The following AGBL1 variants were observed in gnomAD, a reference collection of about 807,000 sequenced individuals.
The protein encoded by AGBL1 is AGBL carboxypeptidase 1, also known as cytosolic carboxypeptidase 4.
In AGBL1, 130 loss-of-function variants were observed where a neutral mutation model predicts 118.9. The observed-to-expected ratio is 1.09, with a 90% CI of 0.95 to 1.26. The LOEUF (loss-of-function observed/expected upper bound fraction) is 1.26. Ranked by LOEUF, AGBL1 falls within the 50% of genes most tolerant of loss-of-function variation. AGBL1 has a pLI of 0.00. For synonymous variants in AGBL1, 555 were observed against 478.9 expected, an observed-to-expected ratio of 1.16 and a Z score of -2.08; for missense variants, 1,584 against 1,298.1, an observed-to-expected ratio of 1.22 and a Z score of -3.38.
chr15:86,703,228 G>C (rs1306153804), intron 22 of AGBL1, among the ~76,000 whole-genome samples: 1 of 152,110 alleles, frequency 6.6e-6, no homozygotes, highest in Non-Finnish European at 1.5e-5. Flanking sequence ...TTTTTTAAAT[G>C]CCTAGACGAA....
At chr15:86,090,632 C>A (rs118173370) in intron 1 of AGBL1, among the ~76,000 whole-genome samples, 1 of 152,210 alleles carries the variant, frequency 6.6e-6, no homozygotes, top group East Asian at 1.9e-4. Flanking sequence ...AATAGAAGTA[C>A]GTTTTCTTCT....
intron 21 of AGBL1, among the ~76,000 whole-genome samples, chr15:86,620,674 C>T (rs2084790476): frequency 6.6e-6 from 1 of 152,186 alleles, no homozygotes. Flanking sequence ...TGCCCTGCTG[C>T]ATTTCTACTT....
chr15:86,168,318 A>G (rs984501712), intron 5 of AGBL1, among the ~76,000 whole-genome samples: 1 of 152,210 alleles, frequency 6.6e-6, no homozygotes, highest in Non-Finnish European at 1.5e-5. Context: ...GAAATAGGGA[A>G]GGAATTTCTG....
chr15:86,995,896 G>A (rs556432446), intron 24 of AGBL1, among the ~76,000 whole-genome samples: 2 of 152,126 alleles, frequency 1.3e-5, no homozygotes, highest in African/African-American at 2.4e-5. Flanking sequence ...TCCAGCCTCC[G>A]GGTTCTAATT....
At chr15:86,744,638 G>A (rs76453784) in intron 22 of AGBL1, among the ~76,000 whole-genome samples, 54 of 152,042 alleles carry the variant, frequency 3.6e-4, no homozygotes, top group African/African-American at 1.1e-3. Context: ...ACCCCCAGAG[G>A]GGGGGAGGAG....
At chr15:86,366,514 T>C (rs556879394) in intron 17 of AGBL1, among the ~76,000 whole-genome samples, 1 of 152,294 alleles carries the variant, frequency 6.6e-6, no homozygotes, top group Non-Finnish European at 1.5e-5. Flanking sequence ...AGGATTCCAA[T>C]GCAGCCAGGA....
intron 18 of AGBL1, among the ~76,000 whole-genome samples, chr15:86,494,930 C>T (rs758665018): frequency 7.0e-6 from 1 of 143,454 alleles, no homozygotes; most frequent in South Asian, 2.3e-4. Context: ...AACATTTTTA[C>T]GTATTTGCTT....
At chr15:86,983,669 G>T (rs1229012305) in intron 23 of AGBL1, among the ~76,000 whole-genome samples, 5 of 152,242 alleles carry the variant, frequency 3.3e-5, no homozygotes, top group Admixed American at 6.5e-5. Context: ...CCTCCAAAAG[G>T]TTCCCATGCG....
intron 18 of AGBL1, among the ~76,000 whole-genome samples, chr15:86,471,712 CT>C (rs1348022069): frequency 1.3e-5 from 2 of 151,936 alleles, no homozygotes; most frequent in African/African-American, 4.8e-5. Context: ...TCCAGTGCTT[CT>C]ATATTCAAAG....
At chr15:86,979,867 A>G (rs1280999884) in intron 23 of AGBL1, among the ~76,000 whole-genome samples, 1 of 152,134 alleles carries the variant, frequency 6.6e-6, no homozygotes, top group African/African-American at 2.4e-5. Context: ...GCCCCATCTC[A>G]TACACATCTC....
intron 22 of AGBL1, among the ~76,000 whole-genome samples, chr15:86,692,363 G>T (rs1255271662): frequency 6.6e-6 from 1 of 151,982 alleles, no homozygotes; most frequent in Non-Finnish European, 1.5e-5. Context: ...AAAAGGTGAA[G>T]CACCTTGGGA....
At chr15:86,657,797 A>G (rs1337046517) in intron 21 of AGBL1, among the ~76,000 whole-genome samples, 1 of 151,640 alleles carries the variant, frequency 6.6e-6, no homozygotes, top group Non-Finnish European at 1.5e-5. Flanking sequence ...AAAATGGGCT[A>G]CTGGCCTGGG....
chr15:86,664,059 T>G (rs1386832153), intron 21 of AGBL1, among the ~76,000 whole-genome samples: 1 of 152,176 alleles, frequency 6.6e-6, no homozygotes, highest in Non-Finnish European at 1.5e-5. Flanking sequence ...ATGAAGGACA[T>G]GTTTGAAGTC....
chr15:86,778,563 T>G (rs140793559), intron 22 of AGBL1, among the ~76,000 whole-genome samples: 1 of 152,160 alleles, frequency 6.6e-6, no homozygotes, highest in Non-Finnish European at 1.5e-5. Flanking sequence ...TCAGCGATAT[T>G]TCTCCCATTT....
At chr15:86,727,078 AAAAG>A (rs539605413) in intron 22 of AGBL1, among the ~76,000 whole-genome samples, 2 of 152,204 alleles carry the variant, frequency 1.3e-5, no homozygotes, top group Non-Finnish European at 1.5e-5. Flanking sequence ...AAGGAAATGG[AAAAG>A]AAAGTGTCAG....
intron 1 of AGBL1, among the ~76,000 whole-genome samples, chr15:86,122,085 C>T (rs1279535472): frequency 6.6e-6 from 1 of 152,172 alleles, no homozygotes; most frequent in Non-Finnish European, 1.5e-5. Flanking sequence ...GCTCTCCCTC[C>T]AAGGAACTGT....
chr15:86,958,335 C>A (rs2141681332), intron 23 of AGBL1, among the ~76,000 whole-genome samples: 1 of 152,164 alleles, frequency 6.6e-6, no homozygotes, highest in Non-Finnish European at 1.5e-5. Flanking sequence ...CGAAATGTCT[C>A]CAGACATTGC....
chr15:86,604,696 A>C (rs1317744928), intron 21 of AGBL1, among the ~76,000 whole-genome samples: 1 of 152,170 alleles, frequency 6.6e-6, no homozygotes, highest in African/African-American at 2.4e-5. Context: ...TTGGATAGGC[A>C]GGTGAATGAG....
intron 21 of AGBL1, among the ~76,000 whole-genome samples, chr15:86,603,589 A>G (rs570607869): frequency 6.6e-6 from 1 of 152,226 alleles, no homozygotes; most frequent in East Asian, 1.9e-4. Context: ...CACACTACCT[A>G]CCAGAAAAGA....
Sources: gnomAD v4.1 joint callset for allele counts (sites outside exome capture counted in the v4.1 genomes callset) on GRCh38, gnomAD v4.1.1 for gene constraint, MANE v1.5 for transcripts, NCBI Gene and HGNC (gene_info 2026-07-23, HGNC 2026-07-21) for gene names.